Variants in USP24 observed in about 807,000 individuals in gnomAD.
USP24 encodes ubiquitin specific peptidase 24, also known as ubiquitin carboxyl-terminal hydrolase 24.
Under a neutral mutation model 361.6 loss-of-function variants are expected in USP24, and 97 were observed. That is an observed-to-expected ratio of 0.27 (90% CI 0.23 to 0.32). The LOEUF (loss-of-function observed/expected upper bound fraction) is 0.32, where lower values mean the gene tolerates loss of function less well. USP24 is among the 10% of genes least tolerant of loss of function. The pLI is 1.00. For synonymous variants in USP24, 1,098 were observed against 1,124.6 expected (o/e 0.98, Z 0.47); for missense variants, 2,353 against 3,165.6 (o/e 0.74, Z 6.16).
chr1:55,116,589 C>T (rs959088999), intron 38 of USP24, among the ~76,000 whole-genome samples: 12 of 150,988 alleles, frequency 7.9e-5, no homozygotes, highest in Non-Finnish European at 1.6e-4. Context: ...CCTAGCAACA[C>T]AAAACCTACC....
rs137975088 is a variant in USP24 at position 55,093,365 on chromosome 1, G to C, written c.6355-449C>G. Among the ~76,000 whole-genome samples, 935 of 152,292 alleles carry C rather than the reference G, an allele frequency of 6.1e-3. 10 individuals are homozygous for C. The highest frequency in any genetic ancestry group is 8.2e-3 in the Non-Finnish European group (557 of 68,030). Reference sequence around the variant, plus strand: ...TTGATTAATTAGTGTATAAAGTCTGGACTGAGTAGACAGTTCTGAATTTAG... The same window carrying C: ...TTGATTAATTAGTGTATAAAGTCTGCACTGAGTAGACAGTTCTGAATTTAG... On this transcript the variant is annotated intron_variant, in intron 52 of 67. Coordinates refer to ENST00000294383, the MANE Select transcript of USP24 (RefSeq NM_015306.3).
At chr1:55,090,661 C>T (rs937561892) in intron 54 of USP24, among the ~76,000 whole-genome samples, 1 of 152,208 alleles carries the variant, frequency 6.6e-6, no homozygotes, top group African/African-American at 2.4e-5. Context: ...CACCCTGGGT[C>T]TCCCCTTACT....
At chr1:55,112,695 A>G (rs1394993675) in intron 38 of USP24, among the ~76,000 whole-genome samples, 3 of 152,142 alleles carry the variant, frequency 2.0e-5, no homozygotes, top group African/African-American at 7.2e-5. Context: ...TATGTGGTCA[A>G]TTTTAGAGTA....
At chr1:55,191,681 G>A (rs774115168) in intron 1 of USP24, among the ~76,000 whole-genome samples, 14 of 151,794 alleles carry the variant, frequency 9.2e-5, no homozygotes, top group Non-Finnish European at 1.5e-4. Context: ...TAGTAGAGAC[G>A]GTGTTTCACC....
At chr1:55,084,768 A>G (rs1645216339) in intron 56 of USP24, among the ~76,000 whole-genome samples, 1 of 152,242 alleles carries the variant, frequency 6.6e-6, no homozygotes, top group Non-Finnish European at 1.5e-5. Context: ...TCAGCTGGGC[A>G]TCAGACAGAA....
intron 36 of USP24, 111 bp from the exon 37 acceptor site, chr1:55,121,617 A>G (rs944810019): frequency 4.8e-6 from 4 of 835,182 alleles, no homozygotes. Flanking sequence ...TCTCTTTTAC[A>G]TACAATAATT....
At chr1:55,178,663 G>C in intron 1 of USP24, among the ~76,000 whole-genome samples, 1 of 149,372 alleles carries the variant, frequency 6.7e-6, no homozygotes, top group African/African-American at 2.4e-5. Flanking sequence ...GCAACAGAGT[G>C]AGACTCCGTC....
intron 38 of USP24, among the ~76,000 whole-genome samples, chr1:55,112,473 G>A (rs1332793859): frequency 1.3e-5 from 2 of 152,120 alleles, no homozygotes; most frequent in African/African-American, 4.8e-5. Flanking sequence ...GGTACGTTGT[G>A]TCTTTGTTCT....
intron 1 of USP24, among the ~76,000 whole-genome samples, chr1:55,209,555 C>G (rs1362778246): frequency 2.6e-5 from 4 of 152,190 alleles, no homozygotes; most frequent in Non-Finnish European, 4.4e-5. Flanking sequence ...GAGCTCATCA[C>G]CTTGTGTTTA....
Position 55,147,658 on chromosome 1 carries a change from A to G in USP24, c.2109T>C (p.Thr703=). ...ACACAAGGCCTGATACCTCCCGGTA[A>G]GTGTACCGGCCATCCACTAGTGTCG... is the stretch of plus-strand genomic sequence containing the variant. The part of the protein sequence containing the change: ...SGSTLVDGRY[T]YREYLEAHLK... Residue 703 remains threonine (T), a synonymous_variant, in exon 18 of 68, where the codon ACT becomes ACC. Transcript: ENST00000294383. 1 of 1,605,742 alleles carries G rather than the reference A, an allele frequency of 6.2e-7. No homozygotes were observed. The highest frequency in any genetic ancestry group is 1.1e-5 in the South Asian group (1 of 89,512).
intron 16 of USP24, among the ~76,000 whole-genome samples, chr1:55,149,835 T>C (rs1232185221): frequency 6.6e-6 from 1 of 152,214 alleles, no homozygotes; most frequent in African/African-American, 2.4e-5. Context: ...CTCACTTAAA[T>C]TTGGATCACT....
intron 38 of USP24, among the ~76,000 whole-genome samples, chr1:55,110,870 T>G (rs1333906687): frequency 6.6e-6 from 1 of 152,124 alleles, no homozygotes; most frequent in Non-Finnish European, 1.5e-5. Context: ...AACTTTTAGT[T>G]TTCTAACTTC....
chr1:55,167,267 G>C (rs927556532), intron 5 of USP24, among the ~76,000 whole-genome samples: 2 of 152,164 alleles, frequency 1.3e-5, no homozygotes, highest in African/African-American at 4.8e-5. Flanking sequence ...GGTCATGAAA[G>C]ACTTCTCTGA....
In USP24 at chr1:55,171,478, C is replaced by A. The variant is rs193150526; in HGVS notation, c.825+78G>T. The A allele has an allele frequency of 1.4e-4, 210 of 1,484,116 alleles. 1 individual carries two copies. In the African/African-American group the frequency reaches 2.6e-3, roughly 18 times the overall value. 91.9% of individuals were successfully genotyped at this position (1,484,116 alleles called of 1,614,324 possible). A position where few individuals can be genotyped will look rare whatever the true frequency, so the allele number is the denominator to read the frequency against. On this transcript the variant is annotated intron_variant, in intron 5 of 67. Coordinates refer to ENST00000294383, the MANE Select transcript of USP24 (RefSeq NM_015306.3). ...AGATTGTTTTAATCCTCCCATGTAA[C>A]TTGTCTTTTTTATAGCACAGAAAAT...
rs112680156 is a variant in USP24, at chr1:55,090,386, A to T, written c.6555-646T>A. On this transcript the variant is annotated intron_variant, in intron 54 of 67. Coordinates refer to ENST00000294383, the MANE Select transcript of USP24 (RefSeq NM_015306.3). ...ACCAATCCTATGCCAGGATAGGCAT[A>T]GTGACTAATTAGTTAATCCTATGCC... 5.1e-3 allele frequency among the ~76,000 whole-genome samples: 773 copies of T among 152,356 alleles called. 2 individuals are homozygous for T. Among genetic ancestry groups the T allele is most frequent in the Non-Finnish European group, 7.3e-3 (494 of 68,040 alleles).
At chr1:55,176,864 G>A (rs1650031184) in intron 2 of USP24, among the ~76,000 whole-genome samples, 1 of 152,074 alleles carries the variant, frequency 6.6e-6, no homozygotes, top group Non-Finnish European at 1.5e-5. Context: ...GGGAGGCCGA[G>A]GCAAGAGGAT....
chr1:55,074,806 A>G (rs1178947082), intron 63 of USP24, among the ~76,000 whole-genome samples: 9 of 152,164 alleles, frequency 5.9e-5, no homozygotes, highest in Admixed American at 2.0e-4. Flanking sequence ...TGAAGCTACA[A>G]AACTTTTTAG....
chr1:55,087,123 T>C (rs748706181), intron 55 of USP24, among the ~76,000 whole-genome samples: 1 of 152,222 alleles, frequency 6.6e-6, no homozygotes, highest in African/African-American at 2.4e-5. Context: ...GAGTATAGTA[T>C]ATATACTTAT....
In USP24 at chr1:55,214,985, G is replaced by C. The variant is rs1644952980; in HGVS notation, c.129C>G (p.Asn43Lys). 6.9e-7 allele frequency: 1 copy of C among 1,449,278 alleles called. No homozygotes were observed. Among genetic ancestry groups the C allele is most frequent in the Non-Finnish European group, 9.1e-7 (1 of 1,098,164 alleles). 89.8% of individuals were successfully genotyped at this position (1,449,278 alleles called of 1,614,324 possible). A position where few individuals can be genotyped will look rare whatever the true frequency, so the allele number is the denominator to read the frequency against. The change falls in exon 1 of 68, where the codon AAC becomes AAG. Residue 43 changes from asparagine (N) to lysine (K), a missense_variant. Asn to Lys is a moderately conservative substitution (Grantham distance 94). This residue lies in a region of USP24 where 253 missense variants were observed against 255.3 expected (regional missense o/e 0.99). Transcript: ENST00000294383. ...DINEAVALLTNERPGLDYGGY... is the reference protein window; with the variant it reads ...DINEAVALLTKERPGLDYGGY... ...CGCCGTAGTCGAGGCCCGGCCGCTC[G>C]TTGGTGAGCAGTGCCACGGCCTCGT...
Sources: allele counts gnomAD v4.1 joint callset (sites outside exome capture counted in the v4.1 genomes callset), GRCh38; gene constraint gnomAD v4.1.1; regional missense constraint gnomAD v4.1.1; transcripts MANE v1.5; gene names NCBI Gene and HGNC (gene_info 2026-07-23, HGNC 2026-07-21).